Variants in BIRC3 observed in about 807,000 individuals in gnomAD.
BIRC3 encodes baculoviral IAP repeat-containing protein 3.
In BIRC3, 26 loss-of-function variants were observed where a neutral mutation model predicts 59.0. The ratio of observed to expected loss-of-function variants is 0.44; its 90% CI spans 0.32 to 0.61. The LOEUF is 0.61. Among genes scored for constraint, BIRC3 ranks in the 20% least tolerant of loss-of-function variants. The pLI, the probability that BIRC3 is intolerant of heterozygous loss-of-function variation, is 0.04. For synonymous variants in BIRC3, 243 were observed against 249.2 expected, an observed-to-expected ratio of 0.98 and a Z score of 0.24; for missense variants, 641 against 711.5, an observed-to-expected ratio of 0.90 and a Z score of 1.13.
intron 6 of BIRC3, among the ~76,000 whole-genome samples, chr11:102,331,771 G>A (rs12275880): frequency 1.3e-5 from 2 of 152,180 alleles, no homozygotes; most frequent in African/African-American, 4.8e-5. Context: ...CCTTCCCTTA[G>A]CTGGGATTAC....
At position 102,337,795 on chromosome 11, in the gene BIRC3, A is replaced by G. The variant is rs1474990234; in HGVS notation, c.*693A>G. The G allele has an allele frequency of 4.3e-6, 1 of 234,712 alleles. No individual in the cohort carries two copies. Among genetic ancestry groups the G allele is most frequent in the Admixed American group, 5.6e-5 (1 of 17,804 alleles). The allele number at this position is 234,712 out of a possible 1,614,324, so 14.5% of individuals were successfully genotyped here. ...TTAGTCACTCCCAGACTCTTTCCATACCTTCTTAAAGCCTCTCAAATATTG... is the reference window on the plus strand; with the variant it reads ...TTAGTCACTCCCAGACTCTTTCCATGCCTTCTTAAAGCCTCTCAAATATTG... On this transcript the variant is annotated 3_prime_UTR_variant, in exon 9 of 9. Transcript: ENST00000263464.
intron 1 of BIRC3, chr11:102,320,265 C>A (rs552288190): frequency 6.6e-6 from 1 of 152,408 alleles, no homozygotes; most frequent in African/African-American, 2.4e-5. Context: ...CTTTCTCTCT[C>A]TCTCTCTTTT....
At position 102,324,311 on chromosome 11, in the gene BIRC3, G is replaced by A; in HGVS notation, c.-199G>A. The A allele has an allele frequency of 1.9e-6, 1 of 521,264 alleles. No homozygotes were observed. Among genetic ancestry groups the A allele is most frequent in the South Asian group, 3.2e-5 (1 of 31,136 alleles). The allele number at this position is 521,264 out of a possible 1,614,324, so 32.3% of individuals were successfully genotyped here. A position where few individuals can be genotyped will look rare whatever the true frequency, so the allele number is the denominator to read the frequency against. On this transcript the variant is annotated 5_prime_UTR_variant, in exon 2 of 9. It adds an upstream start codon to the 5' untranslated region. Transcript: ENST00000263464. ...ATAAAGATTATACAAAGGTGCAATT[G>A]TGTATTTCTTCCTTAAAATGTATCA...
intron 6 of BIRC3, 137 bp downstream of exon 6, chr11:102,331,378 T>C (rs1326940785): frequency 3.2e-6 from 3 of 927,420 alleles, no homozygotes; most frequent in Middle Eastern, 3.6e-4. Context: ...GTATTCTGAA[T>C]TCAAATGCTG....
chr11:102,320,803 GT>G (rs1951024222), intron 1 of BIRC3, among the ~76,000 whole-genome samples: 1 of 152,238 alleles, frequency 6.6e-6, no homozygotes, highest in Non-Finnish European at 1.5e-5. Flanking sequence ...GCAACAGTCT[GT>G]TATTGCTAGA....
intron 1 of BIRC3, among the ~76,000 whole-genome samples, chr11:102,317,988 A>T (rs564939659): frequency 6.6e-6 from 1 of 152,332 alleles, no homozygotes; most frequent in Non-Finnish European, 1.5e-5. Context: ...AAGCGGTGGT[A>T]GGAAGACAGC....
In BIRC3 at chr11:102,328,068, A is replaced by G; in HGVS notation, c.970A>G (p.Arg324Gly). Residue 324 changes from arginine (R) to glycine (G), a missense_variant, in exon 4 of 9, where the codon AGA becomes GGA. By Grantham distance (125) the Arg-to-Gly change is moderately radical (BLOSUM62 -2). This residue lies in a region of BIRC3 where 268 missense variants were observed against 255.7 expected (regional missense o/e 1.05). Transcript: ENST00000263464. ...ACATTTTAGGTGTGAGTACTTGATA[A>G]GAATTAAAGGACAGGAGTTCATCCG... ...KWFPRCEYLI[R>G]IKGQEFIRQV... is the part of the protein sequence containing the mutation. The G allele has an allele frequency of 6.2e-7, 1 of 1,608,012 alleles. No individual in the cohort carries two copies. The highest frequency in any genetic ancestry group is 2.2e-5 in the East Asian group (1 of 44,464).
chr11:102,337,433 A>G lies in BIRC3; in HGVS notation c.*331A>G. The G allele has an allele frequency of 2.5e-6, 1 of 403,160 alleles. No homozygotes were observed. 25.0% of individuals were successfully genotyped at this position (403,160 alleles called of 1,614,324 possible). On this transcript the variant is annotated 3_prime_UTR_variant, in exon 9 of 9. Coordinates refer to ENST00000263464, the MANE Select transcript of BIRC3 (RefSeq NM_001165.5). ...CTTTAAGAATTTTAAATATTTTGGC[A>G]TTGTACTAATACCGGGAACATGAAG...
chr11:102,321,869 T>A lies in BIRC3; in HGVS notation c.-2641T>A, dbSNP rs1951033935. On this transcript the variant is annotated 5_prime_UTR_variant, in exon 2 of 9. Transcript: ENST00000263464. ...AAGGAGGAAAACGACTTCTTCTAGA[T>A]TTTTTTTTCAGTTTCTTCTATAAAT... The A allele has an allele frequency of 5.5e-6, 1 of 180,722 alleles. No homozygotes were observed. Among genetic ancestry groups the A allele is most frequent in the Admixed American group, 6.3e-5 (1 of 15,918 alleles). The allele number at this position is 180,722 out of a possible 1,614,324, so 11.2% of individuals were successfully genotyped here. A position where few individuals can be genotyped will look rare whatever the true frequency, so the allele number is the denominator to read the frequency against.
At chr11:102,334,095 A>G (rs1217206686) in intron 6 of BIRC3, among the ~76,000 whole-genome samples, 1 of 152,228 alleles carries the variant, frequency 6.6e-6, no homozygotes, top group Non-Finnish European at 1.5e-5. Context: ...TAAGAACTTC[A>G]GAGAATGCAT....
chr11:102,317,974 T>C (rs1950988385), intron 1 of BIRC3, among the ~76,000 whole-genome samples: 1 of 152,306 alleles, frequency 6.6e-6, no homozygotes, highest in South Asian at 2.1e-4. Flanking sequence ...GGACGCATGT[T>C]TCCAAGCGGT....
Position 102,323,610 on chromosome 11 carries a change from A to C in BIRC3, c.-900A>C, listed in dbSNP as rs1378248792. 1 of 191,530 alleles carries C rather than the reference A, an allele frequency of 5.2e-6. No homozygotes were observed. The highest frequency in any genetic ancestry group is 1.1e-5 in the Non-Finnish European group (1 of 91,556). The allele number at this position is 191,530 out of a possible 1,614,324, so 11.9% of individuals were successfully genotyped here. ...TATTCCTGATGATCTATGGGAAATA[A>C]CTATTATTTAATTAATATTGAAACC... On this transcript the variant is annotated 5_prime_UTR_variant, in exon 2 of 9. An upstream open reading frame in the 5' UTR loses its in-frame stop. Coordinates refer to ENST00000263464, the MANE Select transcript of BIRC3 (RefSeq NM_001165.5).
chr11:102,326,670 A>T, intron 3 of BIRC3: 1 of 453,816 alleles, frequency 2.2e-6, no homozygotes, highest in Non-Finnish European at 4.4e-6. Context: ...GTTAATATCG[A>T]TTAATAAATG....
At chr11:102,320,766 A>G (rs148018814) in intron 1 of BIRC3, among the ~76,000 whole-genome samples, 29 of 152,330 alleles carry the variant, frequency 1.9e-4, no homozygotes, top group African/African-American at 6.7e-4. Flanking sequence ...TGTAAGAAAA[A>G]CAATAGTGCC....
chr11:102,336,833 A>G (rs1473368903), intron 8 of BIRC3, 32 bp downstream of exon 8: 1 of 1,589,596 alleles, frequency 6.3e-7, no homozygotes, highest in East Asian at 2.2e-5. Context: ...ATCAATAGAG[A>G]ACATTGTCTT....
At chr11:102,328,226 G>A (rs1565323010) in intron 4 of BIRC3, 96 bp downstream of exon 4, 2 of 911,260 alleles carry the variant, frequency 2.2e-6, no homozygotes, top group Admixed American at 5.2e-5. Context: ...GACAAGAGTT[G>A]TTTTAGAAAT....
intron 1 of BIRC3, among the ~76,000 whole-genome samples, chr11:102,318,898 C>T (rs1204062773): frequency 1.3e-5 from 2 of 152,146 alleles, no homozygotes; most frequent in Non-Finnish European, 2.9e-5. Context: ...ACACCGAAAG[C>T]AGTTTTAAGT....
intron 3 of BIRC3, 53 bp downstream of exon 3, chr11:102,325,618 T>G: frequency 2.6e-6 from 4 of 1,514,338 alleles, no homozygotes; most frequent in Non-Finnish European, 3.6e-6. Context: ...ATGAGATTGC[T>G]TATATGTGTT....
At chr11:102,329,353 G>T (rs1951115704) in intron 5 of BIRC3, among the ~76,000 whole-genome samples, 1 of 152,144 alleles carries the variant, frequency 6.6e-6, no homozygotes, top group Non-Finnish European at 1.5e-5. Flanking sequence ...TTTAAATAGG[G>T]ACGCTGAGGC....
Sources: allele counts gnomAD v4.1 joint callset (sites outside exome capture counted in the v4.1 genomes callset), GRCh38; gene constraint gnomAD v4.1.1; regional missense constraint gnomAD v4.1.1; transcripts MANE v1.5; gene names NCBI Gene and HGNC (gene_info 2026-07-23, HGNC 2026-07-21).